Variants in GFRA1 observed in about 807,000 individuals in gnomAD.
GFRA1 encodes GDNF family receptor alpha 1, also known as GDNF family receptor alpha-1.
A neutral mutation model predicts 51.6 loss-of-function variants in GFRA1; 16 were observed. That is an observed-to-expected ratio of 0.31 (90% confidence interval 0.21 to 0.47). GFRA1 has a LOEUF of 0.47. GFRA1 is among the 20% of genes least tolerant of loss of function. GFRA1 has a pLI of 1.00. For missense variants in GFRA1, 530 were observed against 594.3 expected (o/e 0.89, Z 1.13); for synonymous variants, 270 against 241.3 (o/e 1.12, Z -1.10).
In GFRA1 at chr10:116,252,067, G is replaced by A. The variant is rs550761443; in HGVS notation, c.418+17436C>T. On this transcript the variant is annotated intron_variant, in intron 4 of 10. Coordinates refer to ENST00000355422, the MANE Select transcript of GFRA1 (RefSeq NM_005264.8). ...CCAAACAACATTTGACTTTGTGAGT[G>A]TTTTACATCTAGGGTAAATATTTGC... Among the ~76,000 whole-genome samples the A allele has an allele frequency of 8.1e-5, 11 of 136,304 alleles. No homozygotes were observed. The South Asian group carries it at 2.5e-3, about 31-fold the overall frequency. The allele number at this position is 136,304 out of a possible 152,430, so 89.4% of individuals were successfully genotyped here.
chr10:116,136,975 T>C (rs10787627), intron 5 of GFRA1, among the ~76,000 whole-genome samples: 77,476 of 152,070 alleles, frequency 0.51, 20,767 homozygotes, highest in Admixed American at 0.63. Context: ...CAAAAAGCCA[T>C]TGCTCCAAAG....
At chr10:116,260,931 C>T (rs1372958981) in intron 4 of GFRA1, among the ~76,000 whole-genome samples, 2 of 152,112 alleles carry the variant, frequency 1.3e-5, no homozygotes, top group Non-Finnish European at 1.5e-5. Flanking sequence ...GAGGGCTTAA[C>T]GCAACAAATA....
chr10:116,118,111 TCCCAG>T (rs1328391749), intron 6 of GFRA1, among the ~76,000 whole-genome samples: 1 of 152,156 alleles, frequency 6.6e-6, no homozygotes, highest in African/African-American at 2.4e-5. Context: ...CACCCCTATA[TCCCAG>T]CCCCTTCTCT....
intron 4 of GFRA1, among the ~76,000 whole-genome samples, chr10:116,236,694 G>A (rs1966893325): frequency 6.6e-6 from 1 of 152,170 alleles, no homozygotes; most frequent in African/African-American, 2.4e-5. Flanking sequence ...AGTTGAAGAA[G>A]GAGAATGGAA....
At chr10:116,181,136 T>C (rs559717468) in intron 5 of GFRA1, among the ~76,000 whole-genome samples, 6 of 152,242 alleles carry the variant, frequency 3.9e-5, no homozygotes, top group Non-Finnish European at 8.8e-5. Context: ...GATGTTATTA[T>C]TCTTATGCCT....
intron 5 of GFRA1, among the ~76,000 whole-genome samples, chr10:116,183,939 C>T (rs973830816): frequency 1.3e-5 from 2 of 152,186 alleles, no homozygotes; most frequent in African/African-American, 4.8e-5. Context: ...CCACTGCCTG[C>T]CTTGGAATTT....
At chr10:116,233,341 AT>A (rs373749163) in intron 4 of GFRA1, among the ~76,000 whole-genome samples, 1 of 151,492 alleles carries the variant, frequency 6.6e-6, no homozygotes, top group South Asian at 2.1e-4. Flanking sequence ...AAAAAAAAAA[AT>A]TTTTTAATTG....
At chr10:116,263,153 A>C (rs1187989883) in intron 4 of GFRA1, among the ~76,000 whole-genome samples, 2 of 152,124 alleles carry the variant, frequency 1.3e-5, no homozygotes, top group African/African-American at 4.8e-5. Flanking sequence ...TGCTTGTCCA[A>C]GGTAGTTTAT....
At chr10:116,128,423 TA>T (rs926202389) in intron 5 of GFRA1, among the ~76,000 whole-genome samples, 2 of 151,428 alleles carry the variant, frequency 1.3e-5, no homozygotes, top group African/African-American at 2.4e-5. Context: ...TACACAGGCT[TA>T]AAAAAAAATT....
chr10:116,267,157 T>A (rs545523455), intron 4 of GFRA1, among the ~76,000 whole-genome samples: 5 of 151,754 alleles, frequency 3.3e-5, no homozygotes, highest in South Asian at 2.1e-4. Context: ...GAAAAGTTTT[T>A]AAAAAAATAA....
intron 10 of GFRA1, 48 bp downstream of exon 10, chr10:116,065,525 G>A: frequency 6.7e-7 from 1 of 1,487,914 alleles, no homozygotes; most frequent in African/African-American, 1.4e-5. Flanking sequence ...GGGGCCCAAA[G>A]GCTATGTTTC....
chr10:116,196,412 C>T (rs1963754472), intron 5 of GFRA1, among the ~76,000 whole-genome samples: 1 of 149,276 alleles, frequency 6.7e-6, no homozygotes, highest in Non-Finnish European at 1.5e-5. Flanking sequence ...TCGCTTGAAC[C>T]TGAGAGGTGG....
chr10:116,138,049 C>T (rs1022079657), intron 5 of GFRA1, among the ~76,000 whole-genome samples: 13 of 152,154 alleles, frequency 8.5e-5, no homozygotes, highest in Non-Finnish European at 1.8e-4. Flanking sequence ...GATCTATCCG[C>T]CTCAGCCTCC....
chr10:116,238,531 G>A (rs1029334829), intron 4 of GFRA1, among the ~76,000 whole-genome samples: 2 of 152,182 alleles, frequency 1.3e-5, no homozygotes, highest in African/African-American at 4.8e-5. Flanking sequence ...AATTTCTAGA[G>A]AACAAGGGAC....
Position 116,272,184 on chromosome 10 carries a change from G to A in GFRA1, c.-155C>T. ...CATCCAGTGAAAGAGGAAACTCCGGGTCTGGCAGCAGCCACCGCCGCCGGC... is the reference window on the plus strand; with the variant it reads ...CATCCAGTGAAAGAGGAAACTCCGGATCTGGCAGCAGCCACCGCCGCCGGC... On this transcript the variant is annotated 5_prime_UTR_variant, in exon 2 of 11. Transcript: ENST00000355422. This position sits in a 1 kb window ranked among gnomAD's most constrained non-coding sequence, Gnocchi z 4.4. 1 of 723,404 alleles carries A rather than the reference G, an allele frequency of 1.4e-6. No individual in the cohort carries two copies. Among genetic ancestry groups the A allele is most frequent in the Non-Finnish European group, 2.4e-6 (1 of 422,618 alleles). 44.8% of individuals were successfully genotyped at this position (723,404 alleles called of 1,614,324 possible).
intron 9 of GFRA1, among the ~76,000 whole-genome samples, chr10:116,079,855 A>T (rs1723169520): frequency 6.6e-6 from 1 of 152,182 alleles, no homozygotes; most frequent in African/African-American, 2.4e-5. Context: ...TACCAGGGGA[A>T]GCAAGTGACT....
At chr10:116,216,358 AT>A (rs1162450802) in intron 4 of GFRA1, among the ~76,000 whole-genome samples, 1 of 152,098 alleles carries the variant, frequency 6.6e-6, no homozygotes, top group Non-Finnish European at 1.5e-5. Flanking sequence ...GCTCTGCTTT[AT>A]TTATCTATTG....
chr10:116,205,926 T>TCTCA (rs1555167785), intron 5 of GFRA1, among the ~76,000 whole-genome samples: 15 of 142,584 alleles, frequency 1.1e-4, no homozygotes, highest in African/African-American at 2.1e-4. Context: ...TTTCCTCATA[T>TCTCA]CACACACACA....
chr10:116,259,764 G>A (rs1276612772), intron 4 of GFRA1, among the ~76,000 whole-genome samples: 2 of 152,168 alleles, frequency 1.3e-5, no homozygotes, highest in Admixed American at 1.3e-4. Context: ...GGAGTCACAG[G>A]AACAAGAAGT....
Sources: gnomAD v4.1 joint callset for allele counts (sites outside exome capture counted in the v4.1 genomes callset) on GRCh38, gnomAD v4.1.1 for gene constraint, Gnocchi (gnomAD v3.1) non-coding constraint, MANE v1.5 for transcripts, NCBI Gene and HGNC (gene_info 2026-07-23, HGNC 2026-07-21) for gene names.